The following LCLAT1 variants were observed in gnomAD, a reference collection of about 807,000 sequenced individuals.
LCLAT1 encodes 1-AGP acyltransferase 8.
In LCLAT1, 11 loss-of-function variants were observed where a neutral mutation model predicts 30.7. That is an observed-to-expected ratio of 0.36 (90% CI 0.23 to 0.59). The LOEUF (loss-of-function observed/expected upper bound fraction) is 0.59, where lower values mean the gene tolerates loss of function less well. LCLAT1 is among the 20% of genes least tolerant of loss of function. LCLAT1 has a pLI of 0.77. For synonymous variants in LCLAT1, 155 were observed against 151.3 expected, an observed-to-expected ratio of 1.02 and a Z score of -0.18; for missense variants, 402 against 458.6, an observed-to-expected ratio of 0.88 and a Z score of 1.13.
At chr2:30,617,467 G>A (rs1668048085) in intron 5 of LCLAT1, among the ~76,000 whole-genome samples, 1 of 152,114 alleles carries the variant, frequency 6.6e-6, no homozygotes, top group Non-Finnish European at 1.5e-5. Flanking sequence ...TACAATTTTA[G>A]GATACTATGT....
chr2:30,549,065 A>AT (rs1664560026), intron 3 of LCLAT1, among the ~76,000 whole-genome samples: 1 of 152,190 alleles, frequency 6.6e-6, no homozygotes, highest in South Asian at 2.1e-4. Context: ...GAACTAAGTA[A>AT]TTTTTTAGGA....
chr2:30,536,011 A>G (rs1222059985), intron 3 of LCLAT1, among the ~76,000 whole-genome samples: 1 of 149,508 alleles, frequency 6.7e-6, no homozygotes, highest in Non-Finnish European at 1.5e-5. Flanking sequence ...TCAGTAAATG[A>G]AATAAAAATA....
intron 5 of LCLAT1, among the ~76,000 whole-genome samples, chr2:30,600,971 T>A (rs982813654): frequency 5.3e-5 from 8 of 150,070 alleles, no homozygotes; most frequent in Non-Finnish European, 1.2e-4. Context: ...TCTTGGAGGT[T>A]TTGTTCATTT....
At chr2:30,447,976 A>T (rs375041699) in intron 1 of LCLAT1, among the ~76,000 whole-genome samples, 1 of 151,224 alleles carries the variant, frequency 6.6e-6, no homozygotes, top group South Asian at 2.1e-4. Flanking sequence ...GCGGATGCCA[A>T]ACCTGATCTT....
intron 5 of LCLAT1, among the ~76,000 whole-genome samples, chr2:30,632,426 C>T (rs1314013114): frequency 2.6e-5 from 4 of 152,144 alleles, no homozygotes; most frequent in African/African-American, 9.7e-5. Flanking sequence ...CATAATAGGG[C>T]TCAGAGCCAG....
chr2:30,514,578 G>A (rs994007530), intron 1 of LCLAT1, among the ~76,000 whole-genome samples: 20 of 152,146 alleles, frequency 1.3e-4, no homozygotes, highest in African/African-American at 9.7e-5. Context: ...ATAGGTATTC[G>A]GTGGTCAAAA....
chr2:30,538,431 C>T (rs1163409240), intron 3 of LCLAT1, among the ~76,000 whole-genome samples: 3 of 152,054 alleles, frequency 2.0e-5, no homozygotes, highest in Admixed American at 1.3e-4. Context: ...TCACCTGAGT[C>T]AGGAGTTGGA....
At chr2:30,572,705 T>C (rs1447589000) in intron 5 of LCLAT1, among the ~76,000 whole-genome samples, 2 of 151,980 alleles carry the variant, frequency 1.3e-5, no homozygotes, top group African/African-American at 4.8e-5. Context: ...AAATTATTCT[T>C]TGTAGGTTTT....
At chr2:30,613,903 T>G (rs1572699089) in intron 5 of LCLAT1, among the ~76,000 whole-genome samples, 1 of 13,818 alleles carries the variant, frequency 7.2e-5, no homozygotes, top group Non-Finnish European at 1.1e-4. Context: ...TACAATCGGG[T>G]TTTATACCGA....
At chr2:30,625,561 A>G (rs2148521305) in intron 5 of LCLAT1, among the ~76,000 whole-genome samples, 1 of 152,328 alleles carries the variant, frequency 6.6e-6, no homozygotes, top group African/African-American at 2.4e-5. Context: ...CAATGGAGAA[A>G]AGAAAGAAAT....
intron 5 of LCLAT1, among the ~76,000 whole-genome samples, chr2:30,592,473 G>C (rs2148479755): frequency 6.6e-6 from 1 of 152,252 alleles, no homozygotes; most frequent in Middle Eastern, 3.4e-3. Context: ...GACAGAGCAA[G>C]ACCCTGTCTA....
Position 30,642,984 on chromosome 2 carries a change from AAATT to A in LCLAT1, c.*2368_*2371del, listed in dbSNP as rs1224491207. On this transcript the variant is annotated 3_prime_UTR_variant, in exon 6 of 6. Coordinates refer to ENST00000379509, the MANE Select transcript of LCLAT1 (RefSeq NM_001002257.3). ...AGCCTTTTTCTTCTTTGATTTAAAA[AAATT>A]AACTATACAGTTAATGGTTTAGAAC... 3.0e-5 allele frequency: 1 copy of A among 32,968 alleles called. No homozygotes were observed. The highest frequency in any genetic ancestry group is 5.3e-5 in the Non-Finnish European group (1 of 18,778). The allele number at this position is 32,968 out of a possible 1,614,324, so 2.0% of individuals were successfully genotyped here.
chr2:30,625,925 C>T (rs1256919499), intron 5 of LCLAT1, among the ~76,000 whole-genome samples: 1 of 152,120 alleles, frequency 6.6e-6, no homozygotes, highest in Non-Finnish European at 1.5e-5. Flanking sequence ...AGGGCTCTTA[C>T]GATACTTAAA....
chr2:30,488,725 G>T (rs573373612), intron 1 of LCLAT1, among the ~76,000 whole-genome samples: 1 of 152,322 alleles, frequency 6.6e-6, no homozygotes, highest in African/African-American at 2.4e-5. Context: ...ACTGAGAATT[G>T]TAGAGCTAGA....
chr2:30,554,205 G>T (rs936812965), intron 3 of LCLAT1, among the ~76,000 whole-genome samples: 9 of 152,308 alleles, frequency 5.9e-5, no homozygotes, highest in African/African-American at 2.2e-4. Flanking sequence ...GGGAGCAAGA[G>T]GTATTCTCAC....
intron 1 of LCLAT1, among the ~76,000 whole-genome samples, chr2:30,480,832 G>A (rs1683284329): frequency 6.6e-6 from 1 of 152,118 alleles, no homozygotes; most frequent in Non-Finnish European, 1.5e-5. Context: ...ATATCAATAT[G>A]GTCCTTACAA....
chr2:30,456,503 T>C (rs1681844242), intron 1 of LCLAT1, among the ~76,000 whole-genome samples: 1 of 151,954 alleles, frequency 6.6e-6, no homozygotes, highest in African/African-American at 2.4e-5. Flanking sequence ...CTGAACAACA[T>C]TGCAGCCTTG....
chr2:30,448,771 G>A (rs1408452364), intron 1 of LCLAT1, among the ~76,000 whole-genome samples: 1 of 152,162 alleles, frequency 6.6e-6, no homozygotes, highest in Non-Finnish European at 1.5e-5. Context: ...CTGGGGTTGA[G>A]GTTATGGGTG....
intron 1 of LCLAT1, among the ~76,000 whole-genome samples, chr2:30,505,038 C>CTGCATATT (rs1270921264): frequency 8.5e-5 from 13 of 152,170 alleles, no homozygotes; most frequent in Non-Finnish European, 1.6e-4. Context: ...TTTCCAGCTG[C>CTGCATATT]TGCATATTGT....
Sources: allele counts gnomAD v4.1 joint callset (sites outside exome capture counted in the v4.1 genomes callset), GRCh38; gene constraint gnomAD v4.1.1; transcripts MANE v1.5; gene names NCBI Gene and HGNC (gene_info 2026-07-23, HGNC 2026-07-21).